The following MBNL1 variants were observed in gnomAD, a reference collection of about 807,000 sequenced individuals.
MBNL1 encodes the protein muscleblind-like protein 1.
Under a neutral mutation model 42.2 loss-of-function variants are expected in MBNL1, and 8 were observed. The ratio of observed to expected loss-of-function variants is 0.19; its 90% CI spans 0.11 to 0.34. MBNL1 has a LOEUF of 0.34. Ranked by LOEUF, MBNL1 falls within the 10% of genes least tolerant of loss-of-function variation. The pLI, the probability that MBNL1 is intolerant of heterozygous loss-of-function variation, is 1.00. For missense variants in MBNL1, 309 were observed against 495.3 expected (o/e 0.62, Z 3.57); for synonymous variants, 169 against 173.9 (o/e 0.97, Z 0.22).
chr3:152,405,792 G>C (rs1266729455), intron 2 of MBNL1, among the ~76,000 whole-genome samples: 1 of 152,142 alleles, frequency 6.6e-6, no homozygotes, highest in Non-Finnish European at 1.5e-5. Flanking sequence ...TTTCTCCACT[G>C]AAAGGCATGC....
chr3:152,390,319 G>T (rs2097655200), intron 2 of MBNL1, among the ~76,000 whole-genome samples: 1 of 149,758 alleles, frequency 6.7e-6, no homozygotes. Context: ...TGTTATTTTA[G>T]GCCTACACAG....
At chr3:152,255,993 C>A (rs1160286896) in intron 2 of MBNL1, among the ~76,000 whole-genome samples, 2 of 152,060 alleles carry the variant, frequency 1.3e-5, no homozygotes, top group Non-Finnish European at 1.5e-5. Flanking sequence ...GAGAAAGGGC[C>A]AAGTCACATA....
At chr3:152,381,818 C>G (rs2097190732) in intron 2 of MBNL1, among the ~76,000 whole-genome samples, 1 of 151,988 alleles carries the variant, frequency 6.6e-6, no homozygotes, top group African/African-American at 2.4e-5. Context: ...CTCTGAAATG[C>G]TTAACTTACT....
chr3:152,254,091 C>G (rs191266261), intron 2 of MBNL1, among the ~76,000 whole-genome samples: 1 of 152,146 alleles, frequency 6.6e-6, no homozygotes, highest in Non-Finnish European at 1.5e-5. Context: ...TAAAAGGTCT[C>G]AACATTTCTG....
intron 2 of MBNL1, among the ~76,000 whole-genome samples, chr3:152,407,944 A>G (rs1376993973): frequency 1.3e-5 from 2 of 152,134 alleles, no homozygotes. Context: ...ACACCTGGAC[A>G]CGAGGGGAAC....
chr3:152,340,674 A>G, intron 2 of MBNL1: 3 of 1,614,056 alleles, frequency 1.9e-6, no homozygotes, highest in South Asian at 2.2e-5. Context: ...TCTTATTCGC[A>G]TAATACCTAG....
intron 2 of MBNL1, among the ~76,000 whole-genome samples, chr3:152,374,282 T>C (rs1292010406): frequency 6.6e-6 from 1 of 152,228 alleles, no homozygotes; most frequent in Non-Finnish European, 1.5e-5. Flanking sequence ...AAGTGATTTT[T>C]GTGGGAGGTC....
At chr3:152,290,022 T>C (rs772576623) in intron 1 of MBNL1, among the ~76,000 whole-genome samples, 4 of 152,086 alleles carry the variant, frequency 2.6e-5, no homozygotes, top group South Asian at 2.1e-4. Flanking sequence ...GGCATAGATT[T>C]TTCTATACTT....
chr3:152,315,790 T>TTA (rs1378530735), intron 2 of MBNL1, among the ~76,000 whole-genome samples: 2 of 151,776 alleles, frequency 1.3e-5, no homozygotes, highest in African/African-American at 4.8e-5. Flanking sequence ...AAACCAAAGT[T>TTA]TAAAGAAACG....
intron 2 of MBNL1, among the ~76,000 whole-genome samples, chr3:152,329,773 C>T (rs976816186): frequency 6.8e-5 from 10 of 146,316 alleles, no homozygotes; most frequent in Admixed American, 2.1e-4. Flanking sequence ...CTTTCAAAAC[C>T]GGTCAAAGTT....
intron 2 of MBNL1, among the ~76,000 whole-genome samples, chr3:152,346,789 TG>T (rs1183255832): frequency 6.6e-6 from 1 of 151,686 alleles, no homozygotes; most frequent in African/African-American, 2.4e-5. Flanking sequence ...TTTCTGACCT[TG>T]GGTTGGAAAG....
At chr3:152,364,004 C>T (rs555944903) in intron 2 of MBNL1, among the ~76,000 whole-genome samples, 1 of 152,202 alleles carries the variant, frequency 6.6e-6, no homozygotes, top group South Asian at 2.1e-4. Flanking sequence ...TGTGTTGATA[C>T]AGTAGCTATA....
intron 2 of MBNL1, among the ~76,000 whole-genome samples, chr3:152,337,903 C>T (rs763514095): frequency 6.6e-5 from 10 of 152,042 alleles, no homozygotes; most frequent in Non-Finnish European, 1.5e-4. Context: ...AGTTGTTTAA[C>T]CTTCTCTCTG....
chr3:152,275,024 A>G (rs2044132426), intron 1 of MBNL1, among the ~76,000 whole-genome samples: 1 of 152,226 alleles, frequency 6.6e-6, no homozygotes, highest in Admixed American at 6.5e-5. Flanking sequence ...AGCTTATTGT[A>G]TCCAGAAATT....
At chr3:152,314,188 ATTTTTTTATACCTATATAAAC>A (rs1560103423) in intron 2 of MBNL1, among the ~76,000 whole-genome samples, 2 of 151,960 alleles carry the variant, frequency 1.3e-5, no homozygotes, top group African/African-American at 4.8e-5. Context: ...ATTCTTTTCT[ATTTTTTTATACCTATATAAAC>A]TTAATTGGTC....
intron 2 of MBNL1, chr3:152,340,954 T>A: frequency 6.6e-7 from 1 of 1,515,678 alleles, no homozygotes; most frequent in East Asian, 2.3e-5. Flanking sequence ...GGCCTGCACC[T>A]ATACCACTTT....
intron 1 of MBNL1, among the ~76,000 whole-genome samples, chr3:152,297,261 T>G (rs1297268430): frequency 2.0e-5 from 3 of 151,304 alleles, no homozygotes; most frequent in South Asian, 2.1e-4. Context: ...TTTGTTTTTT[T>G]TTTTTTTTTT....
intron 2 of MBNL1, among the ~76,000 whole-genome samples, chr3:152,304,816 G>A (rs768760603): frequency 8.5e-5 from 13 of 152,192 alleles, no homozygotes; most frequent in Non-Finnish European, 1.8e-4. Context: ...AATAGCTGCA[G>A]TTGCTTTGGT....
intron 2 of MBNL1, among the ~76,000 whole-genome samples, chr3:152,361,554 A>G (rs912999041): frequency 2.6e-5 from 4 of 151,794 alleles, no homozygotes; most frequent in African/African-American, 9.7e-5. Context: ...CTAAGGGGCA[A>G]TGATGAGAAA....
Sources: allele counts gnomAD v4.1 joint callset (sites outside exome capture counted in the v4.1 genomes callset), GRCh38; gene constraint gnomAD v4.1.1; transcripts MANE v1.5; gene names NCBI Gene and HGNC (gene_info 2026-07-23, HGNC 2026-07-21).